DSE: variants seen among roughly 807,000 people sequenced by gnomAD.
DSE encodes dermatan sulfate epimerase.
In DSE, 36 loss-of-function variants were observed where a neutral mutation model predicts 84.4. The observed-to-expected ratio is 0.43, with a 90% CI of 0.33 to 0.56. The LOEUF (loss-of-function observed/expected upper bound fraction) is 0.56, where lower values mean the gene tolerates loss of function less well. Among genes scored for constraint, DSE ranks in the 20% least tolerant of loss-of-function variants. The probability of loss-of-function intolerance (pLI) is 0.06; values close to 1 mark genes in which losing one functional copy is unlikely to be tolerated. For synonymous variants in DSE, 410 were observed against 430.1 expected, an observed-to-expected ratio of 0.95 and a Z score of 0.58; for missense variants, 862 against 1,169.6, an observed-to-expected ratio of 0.74 and a Z score of 3.84.
chr6:116,279,412 G>A, intron 2 of DSE: 1 of 1,613,314 alleles, frequency 6.2e-7, no homozygotes, highest in Non-Finnish European at 8.5e-7. Context: ...CTCAGACGCG[G>A]ATCTCTGGGC....
chr6:116,374,764 A>G (rs1779818884), intron 1 of DSE, among the ~76,000 whole-genome samples: 3 of 152,106 alleles, frequency 2.0e-5, no homozygotes, highest in South Asian at 4.1e-4. Context: ...TGAAACTATC[A>G]GTCTCATTCC....
intron 2 of DSE, chr6:116,278,914 T>C (rs1773301813): frequency 1.9e-6 from 3 of 1,614,010 alleles, no homozygotes; most frequent in South Asian, 2.2e-5. Context: ...CACCTCTAAA[T>C]TGGTTATGTA....
intron 1 of DSE, among the ~76,000 whole-genome samples, chr6:116,393,806 T>C (rs1038046644): frequency 2.0e-5 from 3 of 152,246 alleles, no homozygotes; most frequent in Non-Finnish European, 2.9e-5. Context: ...GGGTGATTTC[T>C]TTCTCCCATC....
chr6:116,378,063 C>A (rs1258990826), intron 1 of DSE, among the ~76,000 whole-genome samples: 2 of 152,078 alleles, frequency 1.3e-5, no homozygotes, highest in Non-Finnish European at 2.9e-5. Context: ...ACATTTCTCC[C>A]AAGGAGGGTA....
At chr6:116,379,668 A>T (rs1364905668) in intron 1 of DSE, among the ~76,000 whole-genome samples, 2 of 152,144 alleles carry the variant, frequency 1.3e-5, no homozygotes, top group East Asian at 3.8e-4. Flanking sequence ...GATTCATCCC[A>T]TTATCTATGT....
At chr6:116,363,294 T>C (rs1226990405) in intron 2 of DSE, among the ~76,000 whole-genome samples, 1 of 151,782 alleles carries the variant, frequency 6.6e-6, no homozygotes, top group Non-Finnish European at 1.5e-5. Context: ...TGTGTGTCTA[T>C]ATGATAGATA....
At chr6:116,382,535 A>T (rs190980657) in intron 1 of DSE, among the ~76,000 whole-genome samples, 1 of 152,246 alleles carries the variant, frequency 6.6e-6, no homozygotes, top group South Asian at 2.1e-4. Flanking sequence ...CCTGTGACTT[A>T]TTTCTGTCTA....
chr6:116,338,884 T>A (rs2114812602), intron 2 of DSE, among the ~76,000 whole-genome samples: 1 of 152,350 alleles, frequency 6.6e-6, no homozygotes, highest in Middle Eastern at 3.4e-3. Context: ...CTCTGAGGGC[T>A]TGCCCAGACA....
rs1779521275 is a variant in DSE at position 116,371,084 on chromosome 6, A to T, written c.-91A>T. ...CGGGAGCTGGCTCTGGAGGCTGCGGAGGCGACGCCGGAGAGAACGAAGCCT... is the reference window on the plus strand; with the variant it reads ...CGGGAGCTGGCTCTGGAGGCTGCGGTGGCGACGCCGGAGAGAACGAAGCCT... On this transcript the variant is annotated 5_prime_UTR_variant, in exon 1 of 6. Transcript: ENST00000644252. 2 of 985,988 alleles carry T rather than the reference A, an allele frequency of 2.0e-6. No individual in the cohort carries two copies. The highest frequency in any genetic ancestry group is 1.7e-5 in the African/African-American group (1 of 57,318). The allele number at this position is 985,988 out of a possible 1,614,324, so 61.1% of individuals were successfully genotyped here.
chr6:116,384,546 G>C (rs1780454943), intron 1 of DSE, among the ~76,000 whole-genome samples: 1 of 152,116 alleles, frequency 6.6e-6, no homozygotes, highest in Admixed American at 6.5e-5. Context: ...AGTAAACTCT[G>C]TGATAATCAC....
intron 2 of DSE, among the ~76,000 whole-genome samples, chr6:116,337,627 G>A (rs1404440429): frequency 1.3e-5 from 2 of 151,800 alleles, no homozygotes; most frequent in Non-Finnish European, 2.9e-5. Flanking sequence ...ATAAATAAAT[G>A]AATAAATAAA....
In DSE at chr6:116,436,375, C is replaced by T. The variant is rs1272612273; in HGVS notation, c.1907C>T (p.Pro636Leu). 1.2e-6 allele frequency: 2 copies of T among 1,614,136 alleles called. No homozygotes were observed. Among genetic ancestry groups the T allele is most frequent in the Admixed American group, 3.3e-5 (2 of 60,018 alleles). Residue 636 changes from proline to leucine, a missense_variant, in exon 6 of 6, where the codon CCT becomes CTT. This residue lies in a region of DSE where 186 missense variants were observed against 255.1 expected (regional missense o/e 0.73). Transcript: ENST00000644252. ...EKATFASVTY[P>L]RGYPYNGTNY... ...GCAACCTTTGCCTCAGTGACATATC[C>T]TCGGGGCTATCCCTACAATGGGACA...
intron 1 of DSE, among the ~76,000 whole-genome samples, chr6:116,257,635 T>C (rs1772201187): frequency 6.6e-6 from 1 of 152,228 alleles, no homozygotes; most frequent in African/African-American, 2.4e-5. Flanking sequence ...GCCTACATCC[T>C]GATTCTTAGA....
intron 2 of DSE, among the ~76,000 whole-genome samples, chr6:116,283,350 G>A (rs1379367448): frequency 1.3e-5 from 2 of 152,142 alleles, no homozygotes; most frequent in Non-Finnish European, 2.9e-5. Context: ...ACTCTTTTAT[G>A]AGCTGCACCA....
At chr6:116,299,504 TTATATATATATA>T (rs71553739) in intron 2 of DSE, among the ~76,000 whole-genome samples, 3 of 11,514 alleles carry the variant, frequency 2.6e-4, no homozygotes, top group African/African-American at 5.8e-4. Context: ...TGAATTATTT[TTATATATATATA>T]TATATATATA....
At position 116,436,989 on chromosome 6, in the gene DSE, C is replaced by G; in HGVS notation, c.2521C>G (p.Gln841Glu). 6 of 1,613,894 alleles carry G rather than the reference C, an allele frequency of 3.7e-6. No homozygotes were observed. Among genetic ancestry groups the G allele is most frequent in the Non-Finnish European group, 3.4e-6 (4 of 1,179,996 alleles). The change falls in exon 6 of 6, where the codon CAG becomes GAG. Residue 841 changes from glutamine (Q) to glutamate (E), a missense_variant. Around this residue, in one of 4 missense-constraint regions of DSE, gnomAD observed 315 missense variants for 348.1 expected, o/e 0.90. Coordinates refer to ENST00000644252, the MANE Select transcript of DSE (RefSeq NM_013352.4). ...VNEKKIRQKA[Q>E]ILAQKELPID... is the part of the protein sequence containing the mutation. ...TGAGAAAAAGATTAGACAGAAAGCT[C>G]AGATTTTGGCACAGAAAGAACTACC... is the stretch of plus-strand genomic sequence containing the variant.
At chr6:116,278,359 C>A (rs1189163323) in intron 2 of DSE, 2 of 890,110 alleles carry the variant, frequency 2.2e-6, no homozygotes, top group Admixed American at 4.7e-5. Flanking sequence ...CCGTCTCAAT[C>A]TTGAGGTTGA....
At position 116,436,813 on chromosome 6, in the gene DSE, A is replaced by T. The variant is rs1353085015; in HGVS notation, c.2345A>T (p.Asp782Val). The stretch of plus-strand genomic sequence containing the variant: ...GCTGAACGCCTGCTGAGATTTTCAG[A>T]TAAGAGACAGACTGAGGAGGCCATT... ...KTAERLLRFS[D>V]KRQTEEAIDR... Residue 782 changes from aspartate to valine, a missense_variant, in exon 6 of 6, where the codon GAT becomes GTT. Asp to Val is a radical substitution (Grantham distance 152, BLOSUM62 -3). This residue lies in a region of DSE where 315 missense variants were observed against 348.1 expected (regional missense o/e 0.90). Transcript: ENST00000644252. 1 of 1,614,052 alleles carries T rather than the reference A, an allele frequency of 6.2e-7. No individual in the cohort carries two copies. The highest frequency in any genetic ancestry group is 2.2e-5 in the East Asian group (1 of 44,898).
chr6:116,391,837 C>A (rs1395935394), intron 1 of DSE, among the ~76,000 whole-genome samples: 1 of 150,874 alleles, frequency 6.6e-6, no homozygotes, highest in Non-Finnish European at 1.5e-5. Flanking sequence ...GGGCTTTACA[C>A]ATCAGGGAGT....
Sources: allele counts gnomAD v4.1 joint callset (sites outside exome capture counted in the v4.1 genomes callset), GRCh38; gene constraint gnomAD v4.1.1; regional missense constraint gnomAD v4.1.1; transcripts MANE v1.5; gene names NCBI Gene and HGNC (gene_info 2026-07-23, HGNC 2026-07-21).